The following NRK variants were observed in gnomAD, a reference collection of about 807,000 sequenced individuals.
The protein encoded by NRK is Nik related kinase.
Under a neutral mutation model 125.2 loss-of-function variants are expected in NRK, and 67 were observed. That is an observed-to-expected ratio of 0.54 (90% confidence interval 0.44 to 0.66). NRK has a LOEUF of 0.66. NRK is among the 30% of genes least tolerant of loss of function. The pLI is 0.00. For missense variants in NRK, 1,224 were observed against 1,192.9 expected (o/e 1.03, Z -0.38); for synonymous variants, 458 against 429.0 (o/e 1.07, Z -0.84).
chrX:105,906,761 TTGCGTG>T (rs2040224368), intron 11 of NRK, among the ~76,000 whole-genome samples, 172 bp downstream of exon 11: 1 of 78,766 alleles, frequency 1.3e-5, no homozygotes, highest in Admixed American at 1.4e-4. Flanking sequence ...TAATTTTCTC[TTGCGTG>T]TGTGTGTGTG....
At chrX:105,880,360 ATAAT>A (rs1291089775) in intron 3 of NRK, 105 bp downstream of exon 3, 8 of 293,253 alleles carry the variant, frequency 2.7e-5, no homozygotes, top group East Asian at 1.7e-4. Context: ...ATTTTATATA[ATAAT>A]TATTACATCA....
intron 27 of NRK, among the ~76,000 whole-genome samples, chrX:105,950,527 AGTGTGTGTGTGT>A (rs56383254): frequency 8.1e-4 from 63 of 77,972 alleles, no homozygotes; most frequent in South Asian, 2.8e-3. Flanking sequence ...AAAAGGCAGC[AGTGTGTGTGTGT>A]GTGTGTGTGT....
intron 5 of NRK, among the ~76,000 whole-genome samples, chrX:105,889,520 C>A (rs1229220418): frequency 1.8e-5 from 2 of 112,172 alleles, no homozygotes; most frequent in Non-Finnish European, 3.8e-5. Flanking sequence ...GGAGCTTCAA[C>A]CCCGCATTTC....
chrX:105,854,336 G>T (rs972598213), intron 2 of NRK, among the ~76,000 whole-genome samples: 1 of 111,752 alleles, frequency 8.9e-6, no homozygotes, highest in Admixed American at 9.5e-5. Flanking sequence ...CAATCCAGTT[G>T]TTTGACTAGG....
At chrX:105,824,843 A>G (rs1396054362) in intron 1 of NRK, among the ~76,000 whole-genome samples, 1 of 111,533 alleles carries the variant, frequency 9.0e-6, no homozygotes, top group Non-Finnish European at 1.9e-5. Context: ...AGAAGATACA[A>G]AACTTCAGGA....
At chrX:105,826,698 C>T (rs2055364690) in intron 1 of NRK, among the ~76,000 whole-genome samples, 1 of 109,488 alleles carries the variant, frequency 9.1e-6, no homozygotes, top group African/African-American at 3.3e-5. Flanking sequence ...AATATAACTG[C>T]CAGCTCTACC....
intron 2 of NRK, among the ~76,000 whole-genome samples, chrX:105,849,206 CG>C (rs1362494540): frequency 9.0e-6 from 1 of 111,515 alleles, no homozygotes; most frequent in East Asian, 2.8e-4. Context: ...CAAGAGAAAA[CG>C]AGGAAGAAGC....
At chrX:105,829,540 A>G in intron 1 of NRK, among the ~76,000 whole-genome samples, 1 of 112,200 alleles carries the variant, frequency 8.9e-6, no homozygotes. Context: ...ATAGCAAAAT[A>G]GGCTGCTAGA....
intron 2 of NRK, among the ~76,000 whole-genome samples, chrX:105,856,917 C>G (rs1260939899): frequency 9.0e-6 from 1 of 111,297 alleles, no homozygotes; most frequent in African/African-American, 3.3e-5. Flanking sequence ...ATTTTTTCAT[C>G]TGCAATGTGG....
At chrX:105,823,125 G>C (rs1042096093) in intron 1 of NRK, among the ~76,000 whole-genome samples, 3 of 113,021 alleles carry the variant, frequency 2.7e-5, no homozygotes, top group African/African-American at 9.6e-5. Flanking sequence ...GCGGTGGGAA[G>C]GAGAGACAGA....
intron 20 of NRK, 120 bp from the exon 21 acceptor site, chrX:105,935,050 T>A (rs181080392): frequency 4.8e-5 from 25 of 516,852 alleles, no homozygotes; most frequent in Non-Finnish European, 7.4e-5. Flanking sequence ...AGGAGTAATT[T>A]AAAAAAAATT....
rs772428995 is a variant in NRK at position 105,879,465 on chromosome X, G to A, written c.124-734G>A. ...ATAGGAGATCTGATTCCAAACCTAT[G>A]TGTTCACCTTTAAAAATTACAAATC... is the stretch of plus-strand genomic sequence containing the variant. On this transcript the variant is annotated intron_variant, in intron 2 of 28. Transcript: ENST00000243300. 2.7e-5 allele frequency among the ~76,000 whole-genome samples: 3 copies of A among 111,356 alleles called. No homozygotes were observed. In the Admixed American group the frequency reaches 2.9e-4, roughly 11 times the overall value.
Position 105,945,884 on chromosome X carries a change from C to G in NRK, c.4072C>G (p.Gln1358Glu). ...ESTAIKVCIDQSADSEGDYMS... is the reference protein window; with the variant it reads ...ESTAIKVCIDESADSEGDYMS... ...CATTCCCTACCAAGTATGCATTGAT[C>G]AATCAGCAGACTCTGAAGGAGACTA... is the stretch of plus-strand genomic sequence containing the variant. Residue 1358 changes from glutamine to glutamate, a missense_variant, in exon 25 of 29, where the codon CAA becomes GAA. Physicochemically the swap from Gln to Glu is conservative, Grantham distance 29. Coordinates refer to ENST00000243300, the MANE Select transcript of NRK (RefSeq NM_198465.4). 8.3e-7 allele frequency: 1 copy of G among 1,207,936 alleles called. No homozygotes were observed. Among genetic ancestry groups the G allele is most frequent in the Admixed American group, 2.2e-5 (1 of 45,881 alleles).
chrX:105,896,228 C>T (rs1434721037), intron 7 of NRK, among the ~76,000 whole-genome samples: 1 of 111,429 alleles, frequency 9.0e-6, no homozygotes, highest in Non-Finnish European at 1.9e-5. Context: ...AGAATAATAC[C>T]ATAAAAATCA....
chrX:105,864,146 A>AG (rs1236039484), intron 2 of NRK, among the ~76,000 whole-genome samples: 3 of 112,352 alleles, frequency 2.7e-5, no homozygotes, highest in Non-Finnish European at 5.6e-5. Flanking sequence ...TGAGAGGCAG[A>AG]GTGTACACTT....
intron 24 of NRK, among the ~76,000 whole-genome samples, chrX:105,944,886 C>G (rs1268051195): frequency 8.9e-6 from 1 of 111,883 alleles, no homozygotes; most frequent in African/African-American, 3.3e-5. Flanking sequence ...AACTTTATTA[C>G]AGTTTGGCTG....
chrX:105,842,390 C>G (rs950303377), intron 2 of NRK, among the ~76,000 whole-genome samples: 2 of 111,475 alleles, frequency 1.8e-5, no homozygotes, highest in Non-Finnish European at 3.8e-5. Flanking sequence ...TCAACCTCTT[C>G]ACTCTCTTCT....
rs968752 is a variant in NRK, at chrX:105,822,592, T to G, written c.-254T>G. The stretch of plus-strand genomic sequence containing the variant: ...CTTCTAGCTTCTTCGTCTCCAGGAC[T>G]GACGCTCAGGCTCCTCTCTCGCCTT... On this transcript the variant is annotated 5_prime_UTR_variant, in exon 1 of 29. Coordinates refer to ENST00000243300, the MANE Select transcript of NRK (RefSeq NM_198465.4). 17,739 of 421,497 alleles carry G rather than the reference T, an allele frequency of 0.042. 2,464 individuals are homozygous for G. The highest frequency in any genetic ancestry group is 0.4 in the African/African-American group (15,718 of 39,229). 34.7% of individuals were successfully genotyped at this position (421,497 alleles called of 1,213,427 possible).
At chrX:105,869,028 A>T (rs1157447) in intron 2 of NRK, among the ~76,000 whole-genome samples, 12,679 of 110,735 alleles carry the variant, frequency 0.11, 1,809 homozygotes, top group African/African-American at 0.4. Context: ...TGATGAGAAA[A>T]GAGGTCACTG....
Sources: allele counts gnomAD v4.1 joint callset (sites outside exome capture counted in the v4.1 genomes callset), GRCh38; gene constraint gnomAD v4.1.1; transcripts MANE v1.5; gene names NCBI Gene and HGNC (gene_info 2026-07-23, HGNC 2026-07-21).